ZC3H11A: variants seen among roughly 807,000 people sequenced by gnomAD.
ZC3H11A encodes zinc finger CCCH-type containing 11A.
In ZC3H11A, 22 loss-of-function variants were observed where a neutral mutation model predicts 90.8. The ratio of observed to expected loss-of-function variants is 0.24; its 90% CI spans 0.17 to 0.35. The LOEUF is 0.35. Ranked by LOEUF, ZC3H11A falls within the 10% of genes least tolerant of loss-of-function variation. The probability of loss-of-function intolerance (pLI) is 1.00; values close to 1 mark genes in which losing one functional copy is unlikely to be tolerated. For missense variants in ZC3H11A, 701 were observed against 964.9 expected, an observed-to-expected ratio of 0.73 and a Z score of 3.62; for synonymous variants, 294 against 339.8, an observed-to-expected ratio of 0.87 and a Z score of 1.48.
chr1:203,807,861 C>T (rs773871110), intron 2 of ZC3H11A, among the ~76,000 whole-genome samples: 1 of 152,024 alleles, frequency 6.6e-6, no homozygotes, highest in Non-Finnish European at 1.5e-5. Context: ...TCTGCCTCAG[C>T]GTCCCAAGTA....
intron 4 of ZC3H11A, among the ~76,000 whole-genome samples, chr1:203,827,440 G>T (rs757291887): frequency 1.7e-4 from 26 of 151,582 alleles, no homozygotes; most frequent in Non-Finnish European, 2.8e-4. Context: ...CAGCACTTTG[G>T]GAGGCTGAGG....
At chr1:203,848,453 C>A in intron 14 of ZC3H11A, 46 bp downstream of exon 14, 1 of 1,445,702 alleles carries the variant, frequency 6.9e-7, no homozygotes, top group Non-Finnish European at 9.6e-7. Flanking sequence ...CAAACAAAGG[C>A]TAGATAATTG....
chr1:203,842,202 G>T (rs2103287135), intron 12 of ZC3H11A, among the ~76,000 whole-genome samples: 1 of 152,222 alleles, frequency 6.6e-6, no homozygotes, highest in South Asian at 2.1e-4. Context: ...CGGGGTGGCG[G>T]CCGGGCAGAG....
chr1:203,798,086 C>G, intron 1 of ZC3H11A: 1 of 1,536,114 alleles, frequency 6.5e-7, no homozygotes, highest in Non-Finnish European at 8.7e-7. Flanking sequence ...CCAGGGCCAA[C>G]AAGTTTGGAG....
intron 9 of ZC3H11A, among the ~76,000 whole-genome samples, chr1:203,833,526 A>G (rs1683153626): frequency 6.6e-6 from 1 of 151,400 alleles, no homozygotes; most frequent in East Asian, 1.9e-4. Context: ...GCAAGAGTCT[A>G]TTATTATTAT....
At chr1:203,796,741 TA>T in intron 1 of ZC3H11A, 1 of 322,618 alleles carries the variant, frequency 3.1e-6, no homozygotes, top group Non-Finnish European at 5.6e-6. Flanking sequence ...TTCTCAAGTC[TA>T]AAAATATCTG....
intron 2 of ZC3H11A, among the ~76,000 whole-genome samples, chr1:203,814,537 A>G (rs1675601844): frequency 6.6e-6 from 1 of 152,070 alleles, no homozygotes; most frequent in Admixed American, 6.6e-5. Context: ...GAAAAAAAAA[A>G]GAATAACCTT....
chr1:203,819,316 G>A (rs1471637255), intron 4 of ZC3H11A, among the ~76,000 whole-genome samples: 7 of 147,810 alleles, frequency 4.7e-5, no homozygotes, highest in South Asian at 4.3e-4. Flanking sequence ...CCACCTCCCA[G>A]GTTCAAGCGA....
At chr1:203,835,399 C>T (rs75245892) in intron 10 of ZC3H11A, among the ~76,000 whole-genome samples, 2,790 of 152,160 alleles carry the variant, frequency 0.018, 77 homozygotes, top group African/African-American at 0.063. Context: ...ATACATTACA[C>T]GTTATACAGT....
chr1:203,833,978 T>C (rs1043248780), intron 10 of ZC3H11A, 125 bp downstream of exon 10: 14 of 1,394,328 alleles, frequency 1.0e-5, no homozygotes, highest in African/African-American at 2.9e-5. Context: ...AAAGCACTTA[T>C]AAATTCCTCA....
intron 2 of ZC3H11A, among the ~76,000 whole-genome samples, chr1:203,806,812 A>ATATT (rs2102539519): frequency 7.5e-6 from 1 of 133,628 alleles, no homozygotes; most frequent in African/African-American, 2.7e-5. Context: ...TGTTGAGTGG[A>ATATT]TATTGCACCT....
rs560617871 is a variant in ZC3H11A at position 203,816,916 on chromosome 1, C to T, written c.-145-10C>T. 3.3e-4 allele frequency: 175 copies of T among 531,466 alleles called. No individual in the cohort carries two copies. The Middle Eastern group carries it at 6.7e-3, about 20-fold the overall frequency. 32.9% of individuals were successfully genotyped at this position (531,466 alleles called of 1,614,324 possible). ...CTGAAATATTTTAATTCATTGTCTC[C>T]TCATTTTAGGATTACAGTTTAAAGA... On this transcript the variant is annotated splice_polypyrimidine_tract_variant and intron_variant, in intron 2 of 17. Coordinates refer to ENST00000367210, the MANE Select transcript of ZC3H11A (RefSeq NM_001376342.1).
At position 203,847,295 on chromosome 1, in the gene ZC3H11A, C is replaced by G. The variant is rs776725913; in HGVS notation, c.1154C>G (p.Pro385Arg). 5 of 1,613,744 alleles carry G rather than the reference C, an allele frequency of 3.1e-6. No individual in the cohort carries two copies. Among genetic ancestry groups the G allele is most frequent in the African/African-American group, 1.3e-5 (1 of 74,950 alleles). ...ELQTKLKTEG[P>R]SKTDDSTSGA... ...CAAACTAAACTCAAGACAGAAGGAC[C>G]TTCAAAAACTGATGATTCTACTTCA... Residue 385 changes from proline (P) to arginine (R), a missense_variant, in exon 13 of 18, where the codon CCT becomes CGT. Physicochemically the swap from Pro to Arg is moderately radical, Grantham distance 103. This residue lies in a region of ZC3H11A where 530 missense variants were observed against 696.2 expected (regional missense o/e 0.76). Transcript: ENST00000367210.
intron 1 of ZC3H11A, chr1:203,800,609 A>G (rs1571890692): frequency 4.6e-6 from 3 of 650,436 alleles, no homozygotes; most frequent in South Asian, 6.7e-5. Flanking sequence ...CAGAGGCAAT[A>G]TAATTTTGAT....
chr1:203,827,899 C>T (rs111821182), intron 4 of ZC3H11A, among the ~76,000 whole-genome samples: 5 of 152,198 alleles, frequency 3.3e-5, no homozygotes, highest in East Asian at 1.9e-4. Flanking sequence ...ACCATTTATT[C>T]CCGTTTTATA....
chr1:203,844,153 G>A (rs1320259077), intron 12 of ZC3H11A, among the ~76,000 whole-genome samples: 1 of 151,684 alleles, frequency 6.6e-6, no homozygotes, highest in Non-Finnish European at 1.5e-5. Flanking sequence ...CACTGTGCCC[G>A]CCTTTATTTT....
rs61108073 is a variant in ZC3H11A at position 203,825,076 on chromosome 1, C to CAAA, written c.175-3206_175-3204dup. The stretch of plus-strand genomic sequence containing the variant: ...TGGGCAACAGAGCGAGACTCCGTCT[C>CAAA]AAAAAAAAAAAAAAAAAAAGAAAAT... On this transcript the variant is annotated intron_variant, in intron 4 of 17. Transcript: ENST00000367210. Among the ~76,000 whole-genome samples the CAAA allele has an allele frequency of 3.1e-4, 34 of 108,788 alleles. No homozygotes were observed. The South Asian group carries it at 4.8e-3, about 15-fold the overall frequency. The allele number at this position is 108,788 out of a possible 152,430, so 71.4% of individuals were successfully genotyped here.
At chr1:203,841,550 C>G (rs920023524) in intron 12 of ZC3H11A, among the ~76,000 whole-genome samples, 2 of 152,250 alleles carry the variant, frequency 1.3e-5, no homozygotes, top group Non-Finnish European at 2.9e-5. Context: ...CCCATGTCTA[C>G]TTCTTTCTAC....
chr1:203,810,448 C>A (rs905651266), intron 2 of ZC3H11A, among the ~76,000 whole-genome samples: 1 of 139,090 alleles, frequency 7.2e-6, no homozygotes, highest in Non-Finnish European at 1.5e-5. Flanking sequence ...GAGACAGAGT[C>A]TCACTCTGTC....
Sources: allele counts gnomAD v4.1 joint callset (sites outside exome capture counted in the v4.1 genomes callset), GRCh38; gene constraint gnomAD v4.1.1; regional missense constraint gnomAD v4.1.1; transcripts MANE v1.5; gene names NCBI Gene and HGNC (gene_info 2026-07-23, HGNC 2026-07-21).